Variants in RBM6 observed in about 807,000 individuals in gnomAD.
The protein encoded by RBM6 is RNA-binding protein 6.
A neutral mutation model predicts 140.4 loss-of-function variants in RBM6; 23 were observed. The observed-to-expected ratio is 0.16, with a 90% CI of 0.12 to 0.23. The LOEUF (loss-of-function observed/expected upper bound fraction) is 0.23. Among genes scored for constraint, RBM6 ranks in the 10% least tolerant of loss-of-function variants. The pLI, the probability that RBM6 is intolerant of heterozygous loss-of-function variation, is 1.00. For synonymous variants in RBM6, 439 were observed against 475.6 expected, an observed-to-expected ratio of 0.92 and a Z score of 1.00; for missense variants, 1,139 against 1,386.7, an observed-to-expected ratio of 0.82 and a Z score of 2.84.
chr3:49,998,499 T>C (rs1349793944), intron 5 of RBM6, among the ~76,000 whole-genome samples: 3 of 152,164 alleles, frequency 2.0e-5, no homozygotes, highest in African/African-American at 2.4e-5. Context: ...ACAAGTGTAT[T>C]TTTGTAGTCA....
chr3:50,076,844 A>G (rs1274668824), intron 20 of RBM6, among the ~76,000 whole-genome samples, 164 bp from the exon 21 acceptor site: 1 of 151,958 alleles, frequency 6.6e-6, no homozygotes, highest in Non-Finnish European at 1.5e-5. Context: ...AGATCGCACC[A>G]CTGCACTCTA....
intron 5 of RBM6, among the ~76,000 whole-genome samples, chr3:49,981,191 C>T (rs1055352583): frequency 6.6e-6 from 1 of 152,182 alleles, no homozygotes; most frequent in African/African-American, 2.4e-5. Context: ...TGAGCCACTG[C>T]GTCCGGCCTA....
At chr3:50,022,853 C>T (rs757877047) in intron 6 of RBM6, among the ~76,000 whole-genome samples, 3 of 152,060 alleles carry the variant, frequency 2.0e-5, no homozygotes, top group Non-Finnish European at 4.4e-5. Flanking sequence ...AATCCCAGCA[C>T]GTTGGGAAGC....
intron 6 of RBM6, among the ~76,000 whole-genome samples, chr3:50,029,871 A>T (rs991121493): frequency 6.6e-6 from 1 of 151,488 alleles, no homozygotes; most frequent in Non-Finnish European, 1.5e-5. Flanking sequence ...AAAATTTTTT[A>T]AAAAGAAATT....
chr3:50,064,152 C>T (rs1339669075), intron 15 of RBM6, among the ~76,000 whole-genome samples: 2 of 151,980 alleles, frequency 1.3e-5, no homozygotes, highest in Admixed American at 6.6e-5. Flanking sequence ...AAGCTGGTCT[C>T]GAACTCCTGA....
At chr3:50,017,075 C>A (rs1441478423) in intron 6 of RBM6, among the ~76,000 whole-genome samples, 3 of 152,116 alleles carry the variant, frequency 2.0e-5, no homozygotes, top group Admixed American at 2.0e-4. Context: ...ATCCTCCCAC[C>A]TTGGTTTCTG....
chr3:49,983,673 A>G (rs1222075240), intron 5 of RBM6, among the ~76,000 whole-genome samples: 1 of 152,226 alleles, frequency 6.6e-6, no homozygotes, highest in Non-Finnish European at 1.5e-5. Flanking sequence ...TCACATCTCT[A>G]AAACAGCAGA....
chr3:50,038,005 A>G (rs1239919924), intron 6 of RBM6, among the ~76,000 whole-genome samples: 2 of 151,768 alleles, frequency 1.3e-5, no homozygotes, highest in Non-Finnish European at 1.5e-5. Context: ...TATTTTTAGT[A>G]GAGATGGGAT....
chr3:50,012,472 C>T (rs2086899800), intron 6 of RBM6, among the ~76,000 whole-genome samples: 1 of 151,980 alleles, frequency 6.6e-6, no homozygotes, highest in Non-Finnish European at 1.5e-5. Context: ...ATTCTCCTGC[C>T]TCAGCCTCCC....
At chr3:49,947,081 C>CAAAAAA (rs1186088231) in intron 1 of RBM6, among the ~76,000 whole-genome samples, 1 of 106,036 alleles carries the variant, frequency 9.4e-6, no homozygotes, top group Non-Finnish European at 1.9e-5. Context: ...ACTAAAAATA[C>CAAAAAA]AAAAAAAAAA....
At chr3:50,011,464 A>G (rs1353335167) in intron 6 of RBM6, among the ~76,000 whole-genome samples, 2 of 152,192 alleles carry the variant, frequency 1.3e-5, no homozygotes, top group Admixed American at 6.6e-5. Flanking sequence ...TCCTTGGACT[A>G]ATTTTTAGGG....
Position 49,954,335 on chromosome 3 carries a change from C to A in RBM6, c.-66-8241C>A, listed in dbSNP as rs1320370125. Among the ~76,000 whole-genome samples the A allele has an allele frequency of 1.0e-4, 15 of 150,524 alleles. No homozygotes were observed. In the Admixed American group the frequency reaches 1.0e-3, roughly 10 times the overall value. On this transcript the variant is annotated intron_variant, in intron 1 of 20. Transcript: ENST00000266022. The stretch of plus-strand genomic sequence containing the variant: ...CGTGCCTGTAGTCCCAGCTACTTGG[C>A]AGGCTGAGGCAGAAGAATTGCTTGA...
At chr3:50,027,208 A>C (rs1351001371) in intron 6 of RBM6, among the ~76,000 whole-genome samples, 2 of 152,118 alleles carry the variant, frequency 1.3e-5, no homozygotes, top group Non-Finnish European at 2.9e-5. Flanking sequence ...TAGGAGGGGT[A>C]GGTTTAAGTG....
chr3:49,959,451 G>A (rs1270106980), intron 1 of RBM6, among the ~76,000 whole-genome samples: 1 of 149,674 alleles, frequency 6.7e-6, no homozygotes, highest in Admixed American at 6.7e-5. Flanking sequence ...CGCCCGCCTC[G>A]GCCTCCCAAA....
intron 5 of RBM6, among the ~76,000 whole-genome samples, chr3:49,982,396 C>G (rs947926363): frequency 6.6e-6 from 1 of 151,096 alleles, no homozygotes; most frequent in Non-Finnish European, 1.5e-5. Flanking sequence ...GCGTGTGCCA[C>G]CATGCCTGGT....
chr3:50,024,809 T>G (rs1286265906), intron 6 of RBM6, among the ~76,000 whole-genome samples: 1 of 151,698 alleles, frequency 6.6e-6, no homozygotes, highest in Non-Finnish European at 1.5e-5. Context: ...AAAAATTAGC[T>G]GGGCGTGGTG....
chr3:50,073,913 G>T lies in RBM6; in HGVS notation c.3117-1288G>T, dbSNP rs377456828. ...CGCCCAGGCTGGAGTGCAATGGCAC[G>T]ATCTTGGCTCACTGCAACCTCCGCC... On this transcript the variant is annotated intron_variant, in intron 19 of 20. Coordinates refer to ENST00000266022, the MANE Select transcript of RBM6 (RefSeq NM_005777.3). 1.2e-4 allele frequency among the ~76,000 whole-genome samples: 18 copies of T among 151,256 alleles called. No individual in the cohort carries two copies. The East Asian group carries it at 2.4e-3, about 20-fold the overall frequency.
At chr3:50,006,255 C>A (rs1210740188) in intron 6 of RBM6, among the ~76,000 whole-genome samples, 1 of 151,628 alleles carries the variant, frequency 6.6e-6, no homozygotes, top group African/African-American at 2.4e-5. Context: ...CCTGCCTTAG[C>A]CTCCCGAGTA....
chr3:50,027,994 A>C (rs943969067), intron 6 of RBM6, among the ~76,000 whole-genome samples: 2 of 152,008 alleles, frequency 1.3e-5, no homozygotes, highest in Non-Finnish European at 2.9e-5. Flanking sequence ...CTGGTTTGGA[A>C]GCCTTTGGAT....
Sources: allele counts gnomAD v4.1 joint callset (sites outside exome capture counted in the v4.1 genomes callset), GRCh38; gene constraint gnomAD v4.1.1; transcripts MANE v1.5; gene names NCBI Gene and HGNC (gene_info 2026-07-23, HGNC 2026-07-21).